SLC4A4: variants seen among roughly 807,000 people sequenced by gnomAD.
SLC4A4 encodes electrogenic sodium bicarbonate cotransporter 1.
Under a neutral mutation model 111.5 loss-of-function variants are expected in SLC4A4, and 27 were observed. The ratio of observed to expected loss-of-function variants is 0.24; its 90% CI spans 0.18 to 0.33. The LOEUF is 0.33. Ranked by LOEUF, SLC4A4 falls within the 10% of genes least tolerant of loss-of-function variation. The pLI, the probability that SLC4A4 is intolerant of heterozygous loss-of-function variation, is 1.00. For synonymous variants in SLC4A4, 443 were observed against 463.4 expected (o/e 0.96, Z 0.57); for missense variants, 909 against 1,315.5 (o/e 0.69, Z 4.78).
Position 71,415,333 on chromosome 4 carries a change from C to T in SLC4A4, c.807+17680C>T, listed in dbSNP as rs532674630. Among the ~76,000 whole-genome samples the T allele has an allele frequency of 6.6e-5, 10 of 152,198 alleles. 1 individual carries two copies. The South Asian group carries it at 1.9e-3, about 28-fold the overall frequency. ...TGGGAAAGAGAAATTTTATTTTTGT[C>T]AGTCACCTCTTCCCCTTTTTTCTAG... is the stretch of plus-strand genomic sequence containing the variant. On this transcript the variant is annotated intron_variant, in intron 7 of 25. Transcript: ENST00000264485.
chr4:71,080,129 C>T lies in SLC4A4; in HGVS notation c.-64-12601C>T, dbSNP rs540791794. ...CTGAAAGGATCCTGTTGCCAGGAAT[C>T]GAAGGCAGTTGTTACCTTGACAGCA... On this transcript the variant is annotated intron_variant, in intron 1 of 26. Transcript: ENST00000649996. Among the ~76,000 whole-genome samples, 7 of 152,230 alleles carry T rather than the reference C, an allele frequency of 4.6e-5. No individual in the cohort carries two copies. In the East Asian group the frequency reaches 5.8e-4, roughly 13 times the overall value.
At chr4:71,401,609 T>G (rs1447312031) in intron 7 of SLC4A4, among the ~76,000 whole-genome samples, 2 of 152,138 alleles carry the variant, frequency 1.3e-5, no homozygotes, top group African/African-American at 4.8e-5. Context: ...ACATGTGAGG[T>G]GGGTGCTTAT....
intron 2 of SLC4A4, among the ~76,000 whole-genome samples, chr4:71,176,489 C>T (rs913744234): frequency 2.0e-5 from 3 of 152,092 alleles, no homozygotes; most frequent in Non-Finnish European, 2.9e-5. Context: ...CTTAAAAGAC[C>T]TGATGGAGCT....
intron 22 of SLC4A4, among the ~76,000 whole-genome samples, chr4:71,558,600 A>T (rs1436902184): frequency 2.6e-5 from 4 of 151,950 alleles, no homozygotes; most frequent in Non-Finnish European, 5.9e-5. Flanking sequence ...ATATATGTAC[A>T]CTTAAAACAA....
At chr4:71,139,442 A>G (rs894745186) in intron 2 of SLC4A4, among the ~76,000 whole-genome samples, 2 of 152,068 alleles carry the variant, frequency 1.3e-5, no homozygotes, top group Admixed American at 1.3e-4. Flanking sequence ...AACCCTGGTG[A>G]GGTTCTATCA....
intron 7 of SLC4A4, among the ~76,000 whole-genome samples, chr4:71,422,563 A>G (rs909802333): frequency 1.2e-4 from 18 of 152,238 alleles, no homozygotes; most frequent in Non-Finnish European, 5.9e-5. Context: ...AATATCCTTT[A>G]TGAACATTGA....
In SLC4A4 at chr4:71,451,236, G is replaced by A. The variant is rs201149572; in HGVS notation, c.1257G>A (p.Thr419=). The part of the protein sequence containing the change: ...GGENVQMNGD[T]PHDGGHGGGG... ...AGAATGTTCAGATGAATGGGGATAC[G>A]CCCCATGATGGAGGTCACGGAGGAG... Residue 419 remains threonine (T), a synonymous_variant, in exon 11 of 26, where the codon ACG becomes ACA. Coordinates refer to ENST00000264485, the MANE Select transcript of SLC4A4 (RefSeq NM_001098484.3). 60 of 1,612,868 alleles carry A rather than the reference G, an allele frequency of 3.7e-5. No individual in the cohort carries two copies. The highest frequency in any genetic ancestry group is 1.7e-5 in the Admixed American group (1 of 59,976).
intron 18 of SLC4A4, among the ~76,000 whole-genome samples, chr4:71,538,875 G>T (rs1013389611): frequency 1.3e-5 from 2 of 152,046 alleles, no homozygotes; most frequent in African/African-American, 2.4e-5. Flanking sequence ...GCCAGGGTCA[G>T]CAAGGTCATG....
chr4:71,397,038 T>G (rs1234424165), intron 6 of SLC4A4, among the ~76,000 whole-genome samples: 5 of 152,216 alleles, frequency 3.3e-5, no homozygotes, highest in African/African-American at 1.2e-4. Flanking sequence ...GAAATATTCT[T>G]GATCCAAGTG....
intron 2 of SLC4A4, among the ~76,000 whole-genome samples, chr4:71,248,099 C>T (rs1320407236): frequency 6.6e-6 from 1 of 152,088 alleles, no homozygotes; most frequent in African/African-American, 2.4e-5. Context: ...ATGGCTAAAA[C>T]TGCCGATTAA....
intron 6 of SLC4A4, among the ~76,000 whole-genome samples, chr4:71,367,690 CAATT>C: frequency 1.3e-5 from 2 of 152,268 alleles, no homozygotes; most frequent in East Asian, 3.9e-4. Flanking sequence ...TTATGGGAAA[CAATT>C]AAAAATTCAG....
chr4:71,263,840 A>T (rs1313459390), intron 3 of SLC4A4, among the ~76,000 whole-genome samples: 10 of 152,194 alleles, frequency 6.6e-5, no homozygotes, highest in Admixed American at 3.9e-4. Flanking sequence ...CAATATTAAA[A>T]TGCCTGAAAA....
Position 71,086,888 on chromosome 4 carries a change from A to G in SLC4A4, c.-64-5842A>G, listed in dbSNP as rs376138727. 3.9e-5 allele frequency among the ~76,000 whole-genome samples: 6 copies of G among 151,998 alleles called. No individual in the cohort carries two copies. In the East Asian group the frequency reaches 7.7e-4, roughly 20 times the overall value. ...TCTCTTTTTTTGTTGTGTCTCTGCC[A>G]GGCTTTGGTATCAGGATGGTGCTGG... is the stretch of plus-strand genomic sequence containing the variant. On this transcript the variant is annotated intron_variant, in intron 1 of 26. Coordinates refer to the SLC4A4 transcript ENST00000649996.
chr4:71,332,360 T>G (rs1728069984), intron 3 of SLC4A4, among the ~76,000 whole-genome samples: 2 of 152,086 alleles, frequency 1.3e-5, no homozygotes, highest in Admixed American at 6.5e-5. Flanking sequence ...CCAATAACCC[T>G]TAGCTTTGCC....
chr4:71,071,463 T>G (rs1390478649), intron 1 of SLC4A4, among the ~76,000 whole-genome samples: 3 of 152,142 alleles, frequency 2.0e-5, no homozygotes, highest in African/African-American at 7.2e-5. Context: ...TTTAAAGTAT[T>G]AAAATATTTT....
At chr4:71,521,554 A>T (rs534047888) in intron 16 of SLC4A4, among the ~76,000 whole-genome samples, 1 of 152,254 alleles carries the variant, frequency 6.6e-6, no homozygotes, top group South Asian at 2.1e-4. Flanking sequence ...TTTAAGTCAT[A>T]TTTGGTGTAT....
At chr4:71,312,402 C>A (rs1205693505) in intron 3 of SLC4A4, among the ~76,000 whole-genome samples, 1 of 152,262 alleles carries the variant, frequency 6.6e-6, no homozygotes, top group East Asian at 1.9e-4. Flanking sequence ...AGAAGAGGGA[C>A]TCCTCCCTAA....
intron 3 of SLC4A4, among the ~76,000 whole-genome samples, chr4:71,334,213 C>G (rs1417742890): frequency 6.6e-6 from 1 of 152,086 alleles, no homozygotes; most frequent in Non-Finnish European, 1.5e-5. Flanking sequence ...AGCCCAAGGT[C>G]TCTTAGTCAG....
At chr4:71,214,782 G>A (rs1718324685) in intron 1 of SLC4A4, among the ~76,000 whole-genome samples, 1 of 152,202 alleles carries the variant, frequency 6.6e-6, no homozygotes, top group Non-Finnish European at 1.5e-5. Context: ...TTTGGCCTGG[G>A]GCTTGGGCTC....
Sources: gnomAD v4.1 joint callset for allele counts (sites outside exome capture counted in the v4.1 genomes callset) on GRCh38, gnomAD v4.1.1 for gene constraint, MANE v1.5 for transcripts, NCBI Gene and HGNC (gene_info 2026-07-23, HGNC 2026-07-21) for gene names.